WWP2: variants seen among roughly 807,000 people sequenced by gnomAD.
WWP2 encodes NEDD4-like E3 ubiquitin-protein ligase WWP2.
WWP2 carries 57 observed loss-of-function variants against 121.0 expected under a neutral mutation model. The ratio of observed to expected loss-of-function variants is 0.47; its 90% CI spans 0.38 to 0.59. The LOEUF is 0.59. Ranked by LOEUF, WWP2 falls within the 20% of genes least tolerant of loss-of-function variation. WWP2 has a pLI of 0.00. For missense variants in WWP2, 962 were observed against 1,158.9 expected (o/e 0.83, Z 2.47); for synonymous variants, 449 against 441.3 (o/e 1.02, Z -0.22).
intron 2 of WWP2, among the ~76,000 whole-genome samples, chr16:69,789,307 G>A (rs1055613516): frequency 5.3e-5 from 8 of 152,168 alleles, no homozygotes; most frequent in Non-Finnish European, 7.3e-5. Context: ...TCGACTCACT[G>A]TAACCTCCGC....
At chr16:69,813,737 G>T (rs1199153185) in intron 4 of WWP2, among the ~76,000 whole-genome samples, 1 of 152,100 alleles carries the variant, frequency 6.6e-6, no homozygotes, top group Admixed American at 6.5e-5. Context: ...CCAAAGTGCT[G>T]TGGGATTACA....
chr16:69,855,188 A>G (rs1175544296), intron 6 of WWP2, among the ~76,000 whole-genome samples: 1 of 152,262 alleles, frequency 6.6e-6, no homozygotes, highest in African/African-American at 2.4e-5. Context: ...TAACAGAACT[A>G]AAATCTAGAA....
intron 11 of WWP2, among the ~76,000 whole-genome samples, chr16:69,927,852 A>G (rs990166953): frequency 2.6e-5 from 4 of 152,134 alleles, no homozygotes; most frequent in African/African-American, 9.7e-5. Flanking sequence ...AATAGAGATG[A>G]AGTCTCGCTG....
At chr16:69,845,300 C>T (rs932465777) in intron 6 of WWP2, among the ~76,000 whole-genome samples, 1 of 152,118 alleles carries the variant, frequency 6.6e-6, no homozygotes, top group East Asian at 1.9e-4. Flanking sequence ...GCCTACCCCC[C>T]TTCCCTGCTA....
At chr16:69,939,176 A>G in intron 22 of WWP2, 53 bp downstream of exon 22, 1 of 1,567,308 alleles carries the variant, frequency 6.4e-7, no homozygotes, top group East Asian at 2.4e-5. Flanking sequence ...GACAGCTCAG[A>G]GGGAGGGGGA....
At chr16:69,931,016 A>T in intron 13 of WWP2, 136 bp from the exon 14 acceptor site, 1 of 788,610 alleles carries the variant, frequency 1.3e-6, no homozygotes, top group South Asian at 1.8e-5. Flanking sequence ...CAAGGATCTT[A>T]ATGACAGTCA....
At chr16:69,927,048 A>G (rs1400127059) in intron 11 of WWP2, among the ~76,000 whole-genome samples, 2 of 152,186 alleles carry the variant, frequency 1.3e-5, no homozygotes, top group African/African-American at 2.4e-5. Context: ...AAGTGTGGAA[A>G]TATTTGAGAT....
chr16:69,894,812 T>G (rs572532904), intron 8 of WWP2: 11 of 152,306 alleles, frequency 7.2e-5, no homozygotes, highest in African/African-American at 2.6e-4. Flanking sequence ...AAACTCCAAG[T>G]GTGTCCCTTA....
chr16:69,775,743 C>A (rs1332481973), intron 1 of WWP2, among the ~76,000 whole-genome samples: 1 of 152,050 alleles, frequency 6.6e-6, no homozygotes, highest in African/African-American at 2.4e-5. Context: ...AGACATTGAC[C>A]TTCTTCCTGC....
rs1055174201 is a variant in WWP2 at position 69,864,643 on chromosome 16, G to A, written c.576-7161G>A. On this transcript the variant is annotated intron_variant, in intron 6 of 23. Coordinates refer to ENST00000359154, the MANE Select transcript of WWP2 (RefSeq NM_001270454.2). ...TGGCTCACTGCCACCTTGGCCTCTC[G>A]GGGTTCAAGCGATCTCCTGCCTCAG... is the stretch of plus-strand genomic sequence containing the variant. Among the ~76,000 whole-genome samples, 5 of 150,666 alleles carry A rather than the reference G, an allele frequency of 3.3e-5. No individual in the cohort carries two copies. The South Asian group carries it at 8.4e-4, about 25-fold the overall frequency.
intron 8 of WWP2, among the ~76,000 whole-genome samples, chr16:69,899,341 T>C (rs965501720): frequency 1.3e-5 from 2 of 151,956 alleles, no homozygotes; most frequent in African/African-American, 4.8e-5. Context: ...GAGATACCCA[T>C]CTCAGCAACA....
chr16:69,921,315 C>T (rs993750743), intron 10 of WWP2, among the ~76,000 whole-genome samples: 1 of 152,096 alleles, frequency 6.6e-6, no homozygotes, highest in Admixed American at 6.6e-5. Context: ...TGGCTTAGGC[C>T]CAGAGTTTGA....
intron 8 of WWP2, among the ~76,000 whole-genome samples, chr16:69,901,598 A>C (rs2058206204): frequency 6.6e-6 from 1 of 152,086 alleles, no homozygotes; most frequent in Non-Finnish European, 1.5e-5. Context: ...TATTTTGAGT[A>C]GAGACGGGGT....
chr16:69,882,673 G>A (rs1363867440), intron 7 of WWP2, among the ~76,000 whole-genome samples: 1 of 152,170 alleles, frequency 6.6e-6, no homozygotes, highest in East Asian at 1.9e-4. Context: ...CAGGGAAGAA[G>A]GCCGATGTGG....
intron 1 of WWP2, among the ~76,000 whole-genome samples, chr16:69,780,842 A>T (rs2055648612): frequency 6.6e-6 from 1 of 152,200 alleles, no homozygotes; most frequent in Non-Finnish European, 1.5e-5. Context: ...TATCTCTACA[A>T]AAAATAAATA....
chr16:69,819,577 T>C (rs2056556883), intron 4 of WWP2, among the ~76,000 whole-genome samples: 1 of 152,176 alleles, frequency 6.6e-6, no homozygotes, highest in South Asian at 2.1e-4. Context: ...CATTTTAATT[T>C]AATTTAATTT....
At chr16:69,936,031 G>A (rs138043790) in intron 18 of WWP2, 45 bp downstream of exon 18, 23 of 1,600,384 alleles carry the variant, frequency 1.4e-5, no homozygotes, top group East Asian at 8.9e-5. Flanking sequence ...TAGGAGGGAC[G>A]TCTCTGGGTG....
rs2058877492 is a variant in WWP2 at position 69,941,332 on chromosome 16, C to CG, written c.*1395dup. ...CCCAGGCAGCCCCTTGGACTGGTCCCGGGTGCCTTCCAAGCACAGTCTCCA... is the reference window on the plus strand; with the variant it reads ...CCCAGGCAGCCCCTTGGACTGGTCCCGGGGTGCCTTCCAAGCACAGTCTCCA... On this transcript the variant is annotated 3_prime_UTR_variant, in exon 24 of 24. Coordinates refer to ENST00000359154, the MANE Select transcript of WWP2 (RefSeq NM_001270454.2). The CG allele has an allele frequency of 6.5e-6, 1 of 153,838 alleles. No individual in the cohort carries two copies. Among genetic ancestry groups the CG allele is most frequent in the Admixed American group, 6.5e-5 (1 of 15,286 alleles). The allele number at this position is 153,838 out of a possible 1,614,324, so 9.5% of individuals were successfully genotyped here.
At chr16:69,836,681 G>T (rs1900374432) in intron 4 of WWP2, among the ~76,000 whole-genome samples, 1 of 152,142 alleles carries the variant, frequency 6.6e-6, no homozygotes, top group Non-Finnish European at 1.5e-5. Context: ...CGCAATCTTG[G>T]CTCACTGCAA....
Sources: allele counts gnomAD v4.1 joint callset (sites outside exome capture counted in the v4.1 genomes callset), GRCh38; gene constraint gnomAD v4.1.1; transcripts MANE v1.5; gene names NCBI Gene and HGNC (gene_info 2026-07-23, HGNC 2026-07-21).